The following MAPK10 variants were observed in gnomAD, a reference collection of about 807,000 sequenced individuals.
MAPK10 encodes mitogen-activated protein kinase 10.
A neutral mutation model predicts 59.3 loss-of-function variants in MAPK10; 25 were observed. The ratio of observed to expected loss-of-function variants is 0.42; its 90% CI spans 0.31 to 0.59. MAPK10 has a LOEUF of 0.59. Ranked by LOEUF, MAPK10 falls within the 20% of genes least tolerant of loss-of-function variation. The pLI is 0.15. For missense variants in MAPK10, 351 were observed against 568.9 expected (o/e 0.62, Z 3.90); for synonymous variants, 190 against 200.5 (o/e 0.95, Z 0.44).
chr4:86,386,407 C>A (rs936916431), intron 1 of MAPK10, among the ~76,000 whole-genome samples: 1 of 152,144 alleles, frequency 6.6e-6, no homozygotes, highest in African/African-American at 2.4e-5. Flanking sequence ...GAGCCTAAAT[C>A]CCTGTGGAGA....
At chr4:86,415,032 G>C (rs1316912035) in intron 1 of MAPK10, among the ~76,000 whole-genome samples, 1 of 151,774 alleles carries the variant, frequency 6.6e-6, no homozygotes, top group African/African-American at 2.4e-5. Flanking sequence ...CAGCTACTCA[G>C]GGGAGACCGA....
At chr4:86,327,281 C>T (rs762152859) in intron 2 of MAPK10, 3 of 151,900 alleles carry the variant, frequency 2.0e-5, no homozygotes, top group Non-Finnish European at 4.4e-5. Context: ...AGCCTAAAGT[C>T]AAATATTTCA....
intron 9 of MAPK10, among the ~76,000 whole-genome samples, chr4:86,083,361 A>G (rs971094954): frequency 1.3e-5 from 2 of 152,156 alleles, no homozygotes. Context: ...TCCTCCAGCA[A>G]CAATTCCGTG....
At chr4:86,419,626 A>G (rs1209011480) in intron 1 of MAPK10, among the ~76,000 whole-genome samples, 1 of 152,188 alleles carries the variant, frequency 6.6e-6, no homozygotes, top group African/African-American at 2.4e-5. Flanking sequence ...TTTCAAATTC[A>G]CCAATATCGA....
intron 1 of MAPK10, among the ~76,000 whole-genome samples, chr4:86,427,233 G>A (rs1205359639): frequency 6.8e-6 from 1 of 147,346 alleles, no homozygotes; most frequent in Non-Finnish European, 1.5e-5. Flanking sequence ...CTCCAGCCTG[G>A]GCGACAGAGC....
At chr4:86,191,141 T>A (rs2079645527) in intron 3 of MAPK10, among the ~76,000 whole-genome samples, 1 of 152,212 alleles carries the variant, frequency 6.6e-6, no homozygotes, top group Admixed American at 6.5e-5. Context: ...CTTTTGCATT[T>A]GCTGAGGAGT....
intron 4 of MAPK10, among the ~76,000 whole-genome samples, chr4:86,135,396 T>A (rs899197277): frequency 6.6e-6 from 1 of 152,126 alleles, no homozygotes; most frequent in East Asian, 1.9e-4. Flanking sequence ...CCGAGCAGCC[T>A]AACTGGGAGG....
intron 2 of MAPK10, among the ~76,000 whole-genome samples, chr4:86,283,828 G>C (rs560209290): frequency 6.6e-6 from 1 of 152,286 alleles, no homozygotes; most frequent in South Asian, 2.1e-4. Flanking sequence ...TGTATATAAA[G>C]TGTGTGAAAT....
chr4:86,218,448 A>G (rs1385084530), intron 2 of MAPK10, among the ~76,000 whole-genome samples: 1 of 151,962 alleles, frequency 6.6e-6, no homozygotes, highest in Non-Finnish European at 1.5e-5. Context: ...GGTGTGAGCC[A>G]CCGCGCCTGG....
At chr4:86,025,407 A>T in intron 13 of MAPK10, 1 of 397,016 alleles carries the variant, frequency 2.5e-6, no homozygotes, top group Non-Finnish European at 4.4e-6. Flanking sequence ...AGGAGTTCTA[A>T]ACCATAAACC....
At chr4:86,173,320 A>G (rs1469960961) in intron 3 of MAPK10, among the ~76,000 whole-genome samples, 1 of 152,150 alleles carries the variant, frequency 6.6e-6, no homozygotes, top group Non-Finnish European at 1.5e-5. Flanking sequence ...AAGACTGCAC[A>G]TCTACAACCA....
At chr4:86,467,060 C>G (rs370246543) in intron 1 of MAPK10, among the ~76,000 whole-genome samples, 194 of 152,302 alleles carry the variant, frequency 1.3e-3, no homozygotes, top group African/African-American at 4.6e-3. Flanking sequence ...GAAAATATGT[C>G]AGTTGCAGCA....
At chr4:86,071,306 G>A (rs1158329095) in intron 9 of MAPK10, among the ~76,000 whole-genome samples, 4 of 143,428 alleles carry the variant, frequency 2.8e-5, no homozygotes, top group Non-Finnish European at 6.1e-5. Context: ...TTTGTCAGAT[G>A]AGTAGGTTGC....
rs187357432 is a variant in MAPK10, at chr4:86,108,188, C to T, written c.237-836G>A. 5.9e-4 allele frequency among the ~76,000 whole-genome samples: 89 copies of T among 152,000 alleles called. 1 individual carries two copies. The highest frequency in any genetic ancestry group is 2.4e-5 in the African/African-American group (1 of 41,476). On this transcript the variant is annotated intron_variant, in intron 4 of 13. Transcript: ENST00000641462. ...CTATTCACATGTGAAGCTTTCACAC[C>T]GAGATTGAAAATTTACAATGCTTTG...
At chr4:86,062,617 C>A (rs2045951036) in intron 11 of MAPK10, among the ~76,000 whole-genome samples, 2 of 151,758 alleles carry the variant, frequency 1.3e-5, no homozygotes, top group African/African-American at 4.8e-5. Context: ...ATAAATATGC[C>A]ACATAGTGAG....
chr4:86,392,107 G>A (rs1455943558), intron 1 of MAPK10, among the ~76,000 whole-genome samples: 1 of 152,156 alleles, frequency 6.6e-6, no homozygotes, highest in Non-Finnish European at 1.5e-5. Flanking sequence ...ACTCTGCAAG[G>A]ACAGCTGGCA....
chr4:86,098,747 C>T (rs1260001492), intron 8 of MAPK10, 152 bp from the exon 9 acceptor site: 18 of 641,600 alleles, frequency 2.8e-5, no homozygotes, highest in Non-Finnish European at 4.2e-5. Flanking sequence ...GAATTCAAAC[C>T]AGCGCTATGC....
At chr4:86,507,745 CT>C (rs1458828359) in intron 1 of MAPK10, among the ~76,000 whole-genome samples, 2 of 143,028 alleles carry the variant, frequency 1.4e-5, no homozygotes, top group Admixed American at 1.5e-4. Context: ...TAGAATTATA[CT>C]GTGAAAGTTG....
intron 1 of MAPK10, among the ~76,000 whole-genome samples, chr4:86,402,564 C>T (rs1208844021): frequency 6.6e-6 from 1 of 152,040 alleles, no homozygotes; most frequent in African/African-American, 2.4e-5. Flanking sequence ...GTATGTTATT[C>T]CAGGTTTTCT....
Sources: gnomAD v4.1 joint callset for allele counts (sites outside exome capture counted in the v4.1 genomes callset) on GRCh38, gnomAD v4.1.1 for gene constraint, MANE v1.5 for transcripts, NCBI Gene and HGNC (gene_info 2026-07-23, HGNC 2026-07-21) for gene names.